The following DSCAML1 variants were observed in gnomAD, a reference collection of about 807,000 sequenced individuals.
The protein encoded by DSCAML1 is DS cell adhesion molecule like 1, also known as cell adhesion molecule DSCAML1.
In DSCAML1, 38 loss-of-function variants were observed where a neutral mutation model predicts 200.5. That is an observed-to-expected ratio of 0.19 (90% CI 0.15 to 0.25). The LOEUF (loss-of-function observed/expected upper bound fraction) is 0.25. Ranked by LOEUF, DSCAML1 falls within the 10% of genes least tolerant of loss-of-function variation. DSCAML1 has a pLI of 1.00. For missense variants in DSCAML1, 2,223 were observed against 2,858.8 expected, an observed-to-expected ratio of 0.78 and a Z score of 5.07; for synonymous variants, 1,215 against 1,165.0, an observed-to-expected ratio of 1.04 and a Z score of -0.87.
chr11:117,734,196 A>G (rs1392160600), intron 3 of DSCAML1, among the ~76,000 whole-genome samples: 1 of 152,152 alleles, frequency 6.6e-6, no homozygotes, highest in East Asian at 1.9e-4. Context: ...CACCTCTCCA[A>G]GTTACTGCCC....
intron 3 of DSCAML1, among the ~76,000 whole-genome samples, chr11:117,730,705 A>C (rs2054203620): frequency 6.6e-6 from 1 of 152,196 alleles, no homozygotes; most frequent in African/African-American, 2.4e-5. Flanking sequence ...CCTCGCAGGT[A>C]TCTACCAAGA....
Position 117,430,974 on chromosome 11 carries a change from C to A in DSCAML1, c.5434G>T (p.Ala1812Ser). ...AGCTTGGCATGCTCATAGGCCCGGG[C>A]CAGCTCCTCGTAGGTGGAAGAGGCA... ...ESASSTYEEL[A>S]RAYEHAKLEE... The change falls in exon 32 of 33, where the codon GCC becomes TCC. Residue 1812 changes from alanine (A) to serine (S), a missense_variant. Physicochemically the swap from Ala to Ser is moderately conservative, Grantham distance 99. Around this residue, in one of 7 missense-constraint regions of DSCAML1, gnomAD observed 96 missense variants for 160.7 expected, o/e 0.60. Coordinates refer to ENST00000651296, the MANE Select transcript of DSCAML1 (RefSeq NM_020693.4). The A allele has an allele frequency of 6.2e-7, 1 of 1,614,138 alleles. No homozygotes were observed. The highest frequency in any genetic ancestry group is 8.5e-7 in the Non-Finnish European group (1 of 1,180,034).
At chr11:117,533,694 A>AC (rs567677635) in intron 3 of DSCAML1, among the ~76,000 whole-genome samples, 2 of 149,234 alleles carry the variant, frequency 1.3e-5, no homozygotes, top group South Asian at 4.2e-4. Context: ...GCCACACAAG[A>AC]CCCCCCACTC....
rs2048529683 is a variant in DSCAML1 at position 117,463,936 on chromosome 11, G to A, written c.3265+1006C>T. ...GGCCAGCGTTAGGAACCATTGGTAT[G>A]AGCGAATCTACTTTCAGGTGTTTCT... On this transcript the variant is annotated intron_variant, in intron 17 of 32. Coordinates refer to ENST00000651296, the MANE Select transcript of DSCAML1 (RefSeq NM_020693.4). This position sits in a 1 kb window ranked among gnomAD's most constrained non-coding sequence, Gnocchi z 4.0. Among the ~76,000 whole-genome samples the A allele has an allele frequency of 6.6e-6, 1 of 152,206 alleles. No individual in the cohort carries two copies. Among genetic ancestry groups the A allele is most frequent in the Non-Finnish European group, 1.5e-5 (1 of 68,046 alleles).
intron 3 of DSCAML1, among the ~76,000 whole-genome samples, chr11:117,652,946 T>G (rs141253208): frequency 1.3e-5 from 2 of 152,194 alleles, no homozygotes; most frequent in African/African-American, 4.8e-5. Context: ...AATGTTAGCT[T>G]TGCCTTCTCT....
chr11:117,443,751 G>GGCGGGTGGCCAGTTCCTC (rs1448837439), intron 21 of DSCAML1, 135 bp downstream of exon 21: 2 of 1,258,550 alleles, frequency 1.6e-6, no homozygotes, highest in African/African-American at 3.0e-5. Flanking sequence ...GCGGGAGGCA[G>GGCGGGTGGCCAGTTCCTC]GCGGGTGGCC....
chr11:117,566,569 T>TTTTA (rs766938997), intron 3 of DSCAML1, among the ~76,000 whole-genome samples: 7 of 151,642 alleles, frequency 4.6e-5, no homozygotes, highest in South Asian at 2.1e-4. Flanking sequence ...TTTTTGTTTG[T>TTTTA]TTTATTTATT....
chr11:117,646,531 C>T (rs1054987527), intron 3 of DSCAML1, among the ~76,000 whole-genome samples: 2 of 152,184 alleles, frequency 1.3e-5, no homozygotes, highest in Admixed American at 6.5e-5. Flanking sequence ...CTGTTTCTTA[C>T]CTCTTAGCTT....
intron 29 of DSCAML1, 77 bp from the exon 30 acceptor site, chr11:117,432,581 CTT>C (rs1739914244): frequency 1.4e-6 from 2 of 1,472,278 alleles, no homozygotes; most frequent in Non-Finnish European, 9.3e-7. Flanking sequence ...CTGAATTTCT[CTT>C]TGTCTTTATC....
At chr11:117,442,932 G>C (rs2137094384) in intron 21 of DSCAML1, among the ~76,000 whole-genome samples, 1 of 152,332 alleles carries the variant, frequency 6.6e-6, no homozygotes, top group Non-Finnish European at 1.5e-5. Flanking sequence ...AAGCCCTGCT[G>C]GCAGGGCAGG....
chr11:117,439,472 C>T (rs1213674298), intron 22 of DSCAML1, 43 bp from the exon 23 acceptor site: 6 of 1,590,500 alleles, frequency 3.8e-6, no homozygotes, highest in Non-Finnish European at 5.1e-6. Context: ...TGTCAAGCAC[C>T]CCTTCCTCCT....
At chr11:117,606,880 AAGGAGGGTGACATTTGGAT>A (rs1281436449) in intron 3 of DSCAML1, among the ~76,000 whole-genome samples, 1 of 152,206 alleles carries the variant, frequency 6.6e-6, no homozygotes, top group Non-Finnish European at 1.5e-5. Context: ...TAGGCCACAG[AAGGAGGGTGACATTTGGAT>A]AGGAAACTAG....
chr11:117,797,992 A>G (rs1403051847), upstream of DSCAML1, among the ~76,000 whole-genome samples: 1 of 152,182 alleles, frequency 6.6e-6, no homozygotes. Flanking sequence ...TGACCAAATG[A>G]ATGTTGAGCA....
chr11:117,622,712 T>C (rs1439542165), intron 3 of DSCAML1, among the ~76,000 whole-genome samples: 2 of 152,146 alleles, frequency 1.3e-5, no homozygotes, highest in Non-Finnish European at 2.9e-5. Context: ...ACCCAGACTC[T>C]TTAGCAAAAC....
At chr11:117,491,454 T>C (rs934336683) in intron 11 of DSCAML1, among the ~76,000 whole-genome samples, 11 of 152,220 alleles carry the variant, frequency 7.2e-5, no homozygotes, top group African/African-American at 2.7e-4. Context: ...TCATTCGTGG[T>C]CTCATCCATG....
chr11:117,735,524 G>A (rs7940808), intron 3 of DSCAML1, among the ~76,000 whole-genome samples: 2,064 of 152,168 alleles, frequency 0.014, 38 homozygotes, highest in African/African-American at 0.046. Flanking sequence ...TACAAGAGGA[G>A]GACAATAACG....
intron 3 of DSCAML1, among the ~76,000 whole-genome samples, chr11:117,750,832 T>TCCAGCC (rs1051340793): frequency 1.3e-5 from 2 of 152,122 alleles, no homozygotes; most frequent in South Asian, 2.1e-4. Context: ...ACCAGGACCA[T>TCCAGCC]CCAGCCCCAG....
intron 21 of DSCAML1, among the ~76,000 whole-genome samples, chr11:117,443,228 C>T (rs1231083488): frequency 2.0e-5 from 3 of 152,170 alleles, no homozygotes; most frequent in African/African-American, 7.2e-5. Context: ...GACGCTCAGC[C>T]TTGCAGCTCT....
chr11:117,514,926 G>A (rs956339806), intron 8 of DSCAML1, among the ~76,000 whole-genome samples: 10 of 152,244 alleles, frequency 6.6e-5, no homozygotes, highest in African/African-American at 2.4e-4. Flanking sequence ...CGAAAACTGG[G>A]GAGGAAATGT....
Sources: allele counts gnomAD v4.1 joint callset (sites outside exome capture counted in the v4.1 genomes callset), GRCh38; gene constraint gnomAD v4.1.1; regional missense constraint gnomAD v4.1.1; non-coding constraint Gnocchi (gnomAD v3.1); transcripts MANE v1.5; gene names NCBI Gene and HGNC (gene_info 2026-07-23, HGNC 2026-07-21).